Variants in PRDM16 observed in about 807,000 individuals in gnomAD.
PRDM16 encodes the protein histone-lysine N-methyltransferase PRDM16.
PRDM16 carries 23 observed loss-of-function variants against 110.6 expected under a neutral mutation model. The observed-to-expected ratio is 0.21, with a 90% CI of 0.15 to 0.29. PRDM16 has a LOEUF of 0.29. Ranked by LOEUF, PRDM16 falls within the 10% of genes least tolerant of loss-of-function variation. The pLI is 1.00. For missense variants in PRDM16, 1,615 were observed against 1,794.3 expected (o/e 0.90, Z 1.81); for synonymous variants, 799 against 781.8 (o/e 1.02, Z -0.37).
intron 14 of PRDM16, among the ~76,000 whole-genome samples, chr1:3,427,674 T>A (rs2100696146): frequency 6.6e-6 from 1 of 152,102 alleles, no homozygotes; most frequent in African/African-American, 2.4e-5. Flanking sequence ...GTGCCCCTCC[T>A]AGGAAGGTGA....
chr1:3,161,406 C>G (rs917121505), intron 1 of PRDM16, among the ~76,000 whole-genome samples: 3 of 152,230 alleles, frequency 2.0e-5, no homozygotes, highest in African/African-American at 7.2e-5. Context: ...ACGGCATTTC[C>G]TCTCTCCTTT....
chr1:3,288,703 A>G (rs1640910027), intron 3 of PRDM16, among the ~76,000 whole-genome samples: 1 of 151,994 alleles, frequency 6.6e-6, no homozygotes, highest in Non-Finnish European at 1.5e-5. Flanking sequence ...AGAGAGACCC[A>G]AGTCCTGCAG....
chr1:3,179,328 G>A (rs1644124690), intron 1 of PRDM16, among the ~76,000 whole-genome samples: 3 of 152,264 alleles, frequency 2.0e-5, no homozygotes, highest in Non-Finnish European at 4.4e-5. Flanking sequence ...GGGGCAGGGA[G>A]CGTGGACTCA....
At chr1:3,249,729 C>T (rs554937982) in intron 3 of PRDM16, among the ~76,000 whole-genome samples, 14 of 152,292 alleles carry the variant, frequency 9.2e-5, no homozygotes, top group Admixed American at 3.9e-4. Context: ...CGCAGTAAGC[C>T]GCGGACAAAA....
intron 1 of PRDM16, among the ~76,000 whole-genome samples, chr1:3,079,273 T>C (rs897110896): frequency 6.6e-6 from 1 of 152,134 alleles, no homozygotes; most frequent in African/African-American, 2.4e-5. Context: ...TGAGAGCCCC[T>C]TCCAGCCTCA....
At chr1:3,430,436 GGCCAGTGCCCA>G (rs1478940050) in intron 14 of PRDM16, among the ~76,000 whole-genome samples, 1 of 152,156 alleles carries the variant, frequency 6.6e-6, no homozygotes, top group Non-Finnish European at 1.5e-5. Context: ...CCGGCTCTCG[GGCCAGTGCCCA>G]CGTCCTCGAG....
At chr1:3,184,007 A>G (rs961683171) in intron 1 of PRDM16, among the ~76,000 whole-genome samples, 1 of 151,874 alleles carries the variant, frequency 6.6e-6, no homozygotes, top group Non-Finnish European at 1.5e-5. Flanking sequence ...ACCCCCCCCA[A>G]TGTACCTTTC....
Position 3,186,422 on chromosome 1 carries a change from C to T in PRDM16, c.335C>T (p.Pro112Leu). ...RKMEAGERLGPCVVVPRAAAK... is the reference protein window; with the variant it reads ...RKMEAGERLGLCVVVPRAAAK... The stretch of plus-strand genomic sequence containing the variant: ...ATGGAAGCCGGGGAGAGGCTGGGCC[C>T]CTGCGTGGTGGTGCCCCGGGCGGCG... The change falls in exon 2 of 17, where the codon CCC becomes CTC. Residue 112 changes from proline (P) to leucine (L), a missense_variant. Transcript: ENST00000270722. 10 of 1,581,072 alleles carry T rather than the reference C, an allele frequency of 6.3e-6. No individual in the cohort carries two copies. Among genetic ancestry groups the T allele is most frequent in the Non-Finnish European group, 8.6e-6 (10 of 1,164,026 alleles).
intron 3 of PRDM16, among the ~76,000 whole-genome samples, chr1:3,293,639 T>C (rs993884131): frequency 6.6e-6 from 1 of 152,244 alleles, no homozygotes; most frequent in African/African-American, 2.4e-5. Flanking sequence ...CCGCTCTGAA[T>C]AGTATTTGTT....
Position 3,385,236 on chromosome 1 carries a change from G to A in PRDM16, c.523G>A (p.Ala175Thr). The change falls in exon 4 of 17, where the codon GCG becomes ACG. Residue 175 changes from alanine (A) to threonine (T), a missense_variant. Ala to Thr is a moderately conservative substitution (Grantham distance 58). Around this residue, in one of 5 missense-constraint regions of PRDM16, gnomAD observed 416 missense variants for 467.1 expected, o/e 0.89. Transcript: ENST00000270722. The stretch of plus-strand genomic sequence containing the variant: ...CAGCTGGCTCAAGTACATCCGTGTG[G>A]CGTGCTCCTGCGATGACCAGAACCT... Reference protein sequence around the residue: ...AGSWLKYIRVACSCDDQNLTM... With the variant: ...AGSWLKYIRVTCSCDDQNLTM... 1 of 1,613,736 alleles carries A rather than the reference G, an allele frequency of 6.2e-7. No homozygotes were observed.
At chr1:3,333,725 A>G (rs1447000012) in intron 3 of PRDM16, among the ~76,000 whole-genome samples, 1 of 152,136 alleles carries the variant, frequency 6.6e-6, no homozygotes, top group Non-Finnish European at 1.5e-5. Flanking sequence ...GGAGCTTGGC[A>G]GGAGGCGAGT....
intron 3 of PRDM16, among the ~76,000 whole-genome samples, chr1:3,258,155 A>C (rs1297330968): frequency 1.3e-5 from 2 of 152,182 alleles, no homozygotes; most frequent in African/African-American, 4.8e-5. Flanking sequence ...TGGGGAAGGC[A>C]AGTATCTACC....
chr1:3,306,709 A>C (rs1284759553), intron 3 of PRDM16: 1 of 152,256 alleles, frequency 6.6e-6, no homozygotes, highest in African/African-American at 2.4e-5. Flanking sequence ...AATGCACCCC[A>C]TTAAAACGTA....
intron 3 of PRDM16, among the ~76,000 whole-genome samples, chr1:3,366,017 C>T (rs1301620377): frequency 6.6e-6 from 1 of 152,240 alleles, no homozygotes; most frequent in African/African-American, 2.4e-5. Flanking sequence ...CGCACACACA[C>T]ATACACATAC....
At chr1:3,076,112 C>T (rs1184620183) in intron 1 of PRDM16, among the ~76,000 whole-genome samples, 2 of 152,224 alleles carry the variant, frequency 1.3e-5, no homozygotes, top group African/African-American at 4.8e-5. Flanking sequence ...ACCCACCAGC[C>T]CCGCGCTCCT....
chr1:3,354,685 G>A (rs1018120881), intron 3 of PRDM16, among the ~76,000 whole-genome samples: 1 of 152,090 alleles, frequency 6.6e-6, no homozygotes, highest in Non-Finnish European at 1.5e-5. Context: ...ATTTCTATTG[G>A]ATAATTTCCT....
intron 12 of PRDM16, among the ~76,000 whole-genome samples, chr1:3,423,201 G>A (rs757812671): frequency 3.3e-5 from 5 of 152,160 alleles, no homozygotes; most frequent in African/African-American, 9.7e-5. Flanking sequence ...ACTGCCTCCC[G>A]TTCTCTAGGG....
chr1:3,071,122 C>T (rs866442112), intron 1 of PRDM16, among the ~76,000 whole-genome samples: 1 of 152,274 alleles, frequency 6.6e-6, no homozygotes, highest in African/African-American at 2.4e-5. Flanking sequence ...GTCAGGCCCT[C>T]GCCCAGGATG....
chr1:3,189,718 G>A (rs953450141), intron 2 of PRDM16, among the ~76,000 whole-genome samples: 16 of 152,200 alleles, frequency 1.1e-4, no homozygotes, highest in East Asian at 3.9e-4. Flanking sequence ...CCTAGAGCAC[G>A]GTGTTGTGGC....
Sources: allele counts gnomAD v4.1 joint callset (sites outside exome capture counted in the v4.1 genomes callset), GRCh38; gene constraint gnomAD v4.1.1; regional missense constraint gnomAD v4.1.1; transcripts MANE v1.5; gene names NCBI Gene and HGNC (gene_info 2026-07-23, HGNC 2026-07-21).